Variants in CCDC141 observed in about 807,000 individuals in gnomAD.
The protein encoded by CCDC141 is coiled-coil domain containing 141.
In CCDC141, 168 loss-of-function variants were observed where a neutral mutation model predicts 181.0. The ratio of observed to expected loss-of-function variants is 0.93; its 90% CI spans 0.82 to 1.05. CCDC141 has a LOEUF of 1.05. CCDC141 is among the 50% of genes least tolerant of loss of function. The pLI is 0.00. For missense variants in CCDC141, 1,902 were observed against 1,788.5 expected, an observed-to-expected ratio of 1.06 and a Z score of -1.14; for synonymous variants, 666 against 642.3, an observed-to-expected ratio of 1.04 and a Z score of -0.56.
chr2:178,958,001 G>A (rs1690232100), intron 5 of CCDC141, among the ~76,000 whole-genome samples: 1 of 152,212 alleles, frequency 6.6e-6, no homozygotes, highest in South Asian at 2.1e-4. Flanking sequence ...AAAGGACATG[G>A]AGGAAACTTG....
intron 12 of CCDC141, chr2:178,875,116 G>T (rs1686302083): frequency 6.6e-6 from 1 of 152,208 alleles, no homozygotes; most frequent in Admixed American, 6.6e-5. Context: ...CCTGCCTGGA[G>T]AAAGAAGGGT....
intron 21 of CCDC141, among the ~76,000 whole-genome samples, chr2:178,848,627 A>G (rs1685037020): frequency 6.6e-6 from 1 of 152,206 alleles, no homozygotes. Flanking sequence ...ACTTGAAGAA[A>G]GTAGATTTTA....
rs1276087468 is a variant in CCDC141, at chr2:179,047,328, T to C, written c.181A>G (p.Lys61Glu). 25 of 1,543,986 alleles carry C rather than the reference T, an allele frequency of 1.6e-5. No homozygotes were observed. The highest frequency in any genetic ancestry group is 2.0e-5 in the Non-Finnish European group (23 of 1,145,300). ...AGTTCATGATCATGAAGAAGTTTTT[T>C]GGTTTCATCTTGACTGCTGCCAATT... ...LEIGSSQDET[K>E]KLLHDHELLL... Residue 61 changes from lysine (K) to glutamate (E), a missense_variant, in exon 2 of 24, where the codon AAA (lysine) becomes GAA (glutamate). Transcript: ENST00000443758.
At chr2:178,859,374 C>G (rs1685508649) in intron 17 of CCDC141, among the ~76,000 whole-genome samples, 1 of 152,132 alleles carries the variant, frequency 6.6e-6, no homozygotes, top group Admixed American at 6.6e-5. Flanking sequence ...TTTAAAGGAA[C>G]TGAGTGCCAT....
chr2:179,045,983 G>A lies in CCDC141; in HGVS notation c.225+1301C>T, dbSNP rs2009661. 5.1e-3 allele frequency among the ~76,000 whole-genome samples: 772 copies of A among 152,100 alleles called. 3 individuals carry two copies. Among genetic ancestry groups the A allele is most frequent in the Non-Finnish European group, 9.0e-3 (610 of 67,988 alleles). On this transcript the variant is annotated intron_variant, in intron 2 of 23. Coordinates refer to ENST00000443758, the MANE Select transcript of CCDC141 (RefSeq NM_173648.4). ...TACTAATTCTTTCTTCAACTTCTTG[G>A]TTTCATTTACTCAGTTACTTTTACC... is the stretch of plus-strand genomic sequence containing the variant.
rs548330281 is a variant in CCDC141, at chr2:178,840,618, C to T, written c.3475-2874G>A. Among the ~76,000 whole-genome samples the T allele has an allele frequency of 3.5e-4, 54 of 152,254 alleles. 1 individual carries two copies. The highest frequency in any genetic ancestry group is 1.3e-3 in the African/African-American group (54 of 41,542). On this transcript the variant is annotated intron_variant, in intron 22 of 23. Coordinates refer to ENST00000443758, the MANE Select transcript of CCDC141 (RefSeq NM_173648.4). ...TTGGCTCTAAGGCATGAAAATCCCCCGGAGGTGAAGTCTGTGGTCGTCTAG... is the reference window on the plus strand; with the variant it reads ...TTGGCTCTAAGGCATGAAAATCCCCTGGAGGTGAAGTCTGTGGTCGTCTAG...
chr2:179,042,994 AAG>A (rs1182882386), intron 2 of CCDC141, among the ~76,000 whole-genome samples: 5 of 152,170 alleles, frequency 3.3e-5, no homozygotes, highest in African/African-American at 4.8e-5. Flanking sequence ...TAAAGAAGAA[AAG>A]AGAGAAGCAT....
intron 18 of CCDC141, 104 bp from the exon 19 acceptor site, chr2:178,855,645 C>A (rs1685352499): frequency 1.6e-6 from 1 of 621,024 alleles, no homozygotes; most frequent in Admixed American, 3.7e-5. Context: ...GCAGCTTCCT[C>A]CAATCTATTA....
chr2:178,997,759 C>T (rs1457742698), intron 2 of CCDC141, among the ~76,000 whole-genome samples: 12 of 152,164 alleles, frequency 7.9e-5, no homozygotes, highest in Admixed American at 7.9e-4. Flanking sequence ...TCTTCTCTCT[C>T]TCACTTCCTG....
At chr2:178,882,970 G>A (rs1332010988) in intron 11 of CCDC141, among the ~76,000 whole-genome samples, 1 of 152,148 alleles carries the variant, frequency 6.6e-6, no homozygotes, top group Non-Finnish European at 1.5e-5. Context: ...GCATTGCCAG[G>A]ATTGGAAGGA....
chr2:178,864,220 G>A (rs769768420), intron 17 of CCDC141, among the ~76,000 whole-genome samples: 2 of 152,010 alleles, frequency 1.3e-5, no homozygotes, highest in Non-Finnish European at 2.9e-5. Context: ...AAGAGAAGGA[G>A]GGAAAACGGG....
intron 2 of CCDC141, among the ~76,000 whole-genome samples, chr2:179,040,675 G>T (rs1356950631): frequency 3.3e-5 from 5 of 152,136 alleles, no homozygotes; most frequent in Admixed American, 3.3e-4. Context: ...AAGGACAATG[G>T]ACTCCAGTTC....
At chr2:178,878,510 G>A (rs1443484960) in intron 11 of CCDC141, among the ~76,000 whole-genome samples, 2 of 142,056 alleles carry the variant, frequency 1.4e-5, no homozygotes, top group Non-Finnish European at 3.0e-5. Context: ...GTAGAGACGA[G>A]GTCTTGCTAT....
chr2:178,816,156 G>C, the CCDC141 span, among the ~76,000 whole-genome samples: 1 of 152,164 alleles, frequency 6.6e-6, no homozygotes, highest in Non-Finnish European at 1.5e-5. Context: ...ATACACAGTA[G>C]TTTCAATGCC....
intron 6 of CCDC141, among the ~76,000 whole-genome samples, chr2:178,923,523 T>C (rs1470655784): frequency 2.6e-5 from 4 of 152,232 alleles, no homozygotes; most frequent in Non-Finnish European, 5.9e-5. Flanking sequence ...AATCTCGTTC[T>C]GTTTTCTCTA....
intron 2 of CCDC141, among the ~76,000 whole-genome samples, chr2:179,012,902 A>G (rs1402214564): frequency 1.3e-5 from 2 of 152,200 alleles, no homozygotes; most frequent in Non-Finnish European, 1.5e-5. Flanking sequence ...AAAGCACTCA[A>G]CAAAATCCAG....
At chr2:178,936,315 G>A (rs6752606) in intron 6 of CCDC141, among the ~76,000 whole-genome samples, 106,011 of 152,054 alleles carry the variant, frequency 0.7, 37,365 homozygotes, top group East Asian at 0.93. Context: ...TCTTCTGCAT[G>A]TGGCTAGTCA....
chr2:179,043,094 C>T (rs1192975831), intron 2 of CCDC141, among the ~76,000 whole-genome samples: 1 of 152,154 alleles, frequency 6.6e-6, no homozygotes, highest in East Asian at 1.9e-4. Flanking sequence ...CTATAAACAC[C>T]TCTATGCACA....
chr2:178,960,069 T>C (rs1690329430), intron 5 of CCDC141, among the ~76,000 whole-genome samples: 1 of 152,210 alleles, frequency 6.6e-6, no homozygotes, highest in Non-Finnish European at 1.5e-5. Flanking sequence ...TGGTATCTCG[T>C]TGATAGAGGC....
Sources: gnomAD v4.1 joint callset for allele counts (sites outside exome capture counted in the v4.1 genomes callset) on GRCh38, gnomAD v4.1.1 for gene constraint, MANE v1.5 for transcripts, NCBI Gene and HGNC (gene_info 2026-07-23, HGNC 2026-07-21) for gene names.